Variants in KCND2 observed in about 807,000 individuals in gnomAD.
KCND2 encodes the protein A-type voltage-gated potassium channel KCND2.
KCND2 carries 16 observed loss-of-function variants against 54.4 expected under a neutral mutation model. The ratio of observed to expected loss-of-function variants is 0.29; its 90% CI spans 0.20 to 0.45. The LOEUF (loss-of-function observed/expected upper bound fraction) is 0.45, where lower values mean the gene tolerates loss of function less well. Among genes scored for constraint, KCND2 ranks in the 20% least tolerant of loss-of-function variants. KCND2 has a pLI of 1.00. For missense variants in KCND2, 486 were observed against 824.2 expected (o/e 0.59, Z 5.02); for synonymous variants, 317 against 310.7 (o/e 1.02, Z -0.21).
intron 1 of KCND2, among the ~76,000 whole-genome samples, chr7:120,362,522 A>G (rs1800606142): frequency 6.6e-6 from 1 of 152,100 alleles, no homozygotes; most frequent in Admixed American, 6.6e-5. Flanking sequence ...AAATATGTAA[A>G]TAGAATGTGA....
At chr7:120,317,291 G>A (rs189463728) in intron 1 of KCND2, among the ~76,000 whole-genome samples, 2 of 151,750 alleles carry the variant, frequency 1.3e-5, no homozygotes, top group African/African-American at 4.8e-5. Flanking sequence ...CAAAATGATG[G>A]CATCAAATTC....
chr7:120,571,299 AG>A (rs1792362870), intron 1 of KCND2, among the ~76,000 whole-genome samples: 1 of 152,196 alleles, frequency 6.6e-6, no homozygotes, highest in Non-Finnish European at 1.5e-5. Context: ...AGAGAGAAAA[AG>A]ATAGAAAAAT....
intron 1 of KCND2, among the ~76,000 whole-genome samples, chr7:120,548,395 A>G (rs936037279): frequency 1.3e-5 from 2 of 152,102 alleles, no homozygotes; most frequent in African/African-American, 4.8e-5. Flanking sequence ...AAGCAAGTAG[A>G]GTTCTTCTTT....
At chr7:120,633,968 T>C (rs929647405) in intron 1 of KCND2, among the ~76,000 whole-genome samples, 17 of 152,170 alleles carry the variant, frequency 1.1e-4, no homozygotes, top group African/African-American at 4.1e-4. Context: ...TCTTTGAGTA[T>C]AATGGAAAAC....
intron 1 of KCND2, among the ~76,000 whole-genome samples, chr7:120,307,249 A>C (rs1799661785): frequency 6.6e-6 from 1 of 152,106 alleles, no homozygotes; most frequent in Non-Finnish European, 1.5e-5. Flanking sequence ...TAAGGGGAAT[A>C]ATAACTAGTA....
At chr7:120,313,511 G>T (rs913619966) in intron 1 of KCND2, among the ~76,000 whole-genome samples, 1 of 152,112 alleles carries the variant, frequency 6.6e-6, no homozygotes, top group South Asian at 2.1e-4. Context: ...CATAGTTATA[G>T]TTGACTTAAA....
chr7:120,726,398 C>T (rs1792734393), intron 1 of KCND2, among the ~76,000 whole-genome samples: 1 of 152,098 alleles, frequency 6.6e-6, no homozygotes. Flanking sequence ...AACTGTGATC[C>T]TTCTAGAATA....
At chr7:120,741,017 A>G (rs1205345167) in intron 2 of KCND2, 2 of 333,206 alleles carry the variant, frequency 6.0e-6, no homozygotes, top group East Asian at 8.4e-5. Flanking sequence ...TTTATATTGG[A>G]GGATGCAGAT....
At chr7:120,590,486 A>G (rs940007766) in intron 1 of KCND2, among the ~76,000 whole-genome samples, 2 of 152,206 alleles carry the variant, frequency 1.3e-5, no homozygotes, top group Admixed American at 6.5e-5. Context: ...CTATCCATTC[A>G]TTTATTAGGG....
intron 1 of KCND2, among the ~76,000 whole-genome samples, chr7:120,505,062 G>C (rs184129779): frequency 1.1e-4 from 16 of 151,808 alleles, no homozygotes; most frequent in Admixed American, 7.9e-4. Flanking sequence ...TTTAAAAAGT[G>C]CTCAGACAGT....
At chr7:120,536,574 A>G (rs1251429132) in intron 1 of KCND2, among the ~76,000 whole-genome samples, 6 of 152,158 alleles carry the variant, frequency 3.9e-5, no homozygotes, top group Non-Finnish European at 5.9e-5. Context: ...GTAATATCCT[A>G]AAGCCTTTGT....
At chr7:120,526,693 A>G (rs73721412) in intron 1 of KCND2, among the ~76,000 whole-genome samples, 7,874 of 152,226 alleles carry the variant, frequency 0.052, 693 homozygotes, top group African/African-American at 0.18. Flanking sequence ...ATTAAATGCC[A>G]AGTTTTGATA....
intron 1 of KCND2, among the ~76,000 whole-genome samples, chr7:120,682,079 C>T (rs1423815053): frequency 2.0e-5 from 3 of 151,936 alleles, no homozygotes; most frequent in East Asian, 1.9e-4. Context: ...AACATGCTCT[C>T]GAATACTGAG....
At chr7:120,434,828 AAT>A (rs1355143584) in intron 1 of KCND2, among the ~76,000 whole-genome samples, 2 of 150,934 alleles carry the variant, frequency 1.3e-5, no homozygotes, top group East Asian at 4.2e-4. Context: ...GAAAAAAAAA[AAT>A]AGACTTTTCC....
At chr7:120,525,963 T>A (rs1312693279) in intron 1 of KCND2, among the ~76,000 whole-genome samples, 1 of 152,118 alleles carries the variant, frequency 6.6e-6, no homozygotes, top group Non-Finnish European at 1.5e-5. Flanking sequence ...GCCAAGCATG[T>A]TTGGTTACTG....
chr7:120,609,847 G>C (rs1792930321), intron 1 of KCND2, among the ~76,000 whole-genome samples: 1 of 151,976 alleles, frequency 6.6e-6, no homozygotes, highest in African/African-American at 2.4e-5. Context: ...CTAAGCACAG[G>C]GCCCTCATAA....
chr7:120,403,333 T>C (rs1280553632), intron 1 of KCND2, among the ~76,000 whole-genome samples: 1 of 151,812 alleles, frequency 6.6e-6, no homozygotes, highest in Non-Finnish European at 1.5e-5. Flanking sequence ...TTTTTTCTTT[T>C]ATAGACAGAG....
chr7:120,282,627 A>T (rs1799283529), intron 1 of KCND2, among the ~76,000 whole-genome samples: 1 of 152,200 alleles, frequency 6.6e-6, no homozygotes, highest in Non-Finnish European at 1.5e-5. Flanking sequence ...GAGTAGGATG[A>T]CAGTTGAGAT....
intron 1 of KCND2, among the ~76,000 whole-genome samples, chr7:120,403,140 G>C (rs1397464327): frequency 6.6e-6 from 1 of 152,030 alleles, no homozygotes; most frequent in East Asian, 1.9e-4. Flanking sequence ...TCCCTTCCAG[G>C]GATTAACCCA....
Sources: allele counts gnomAD v4.1 joint callset (sites outside exome capture counted in the v4.1 genomes callset), GRCh38; gene constraint gnomAD v4.1.1; transcripts MANE v1.5; gene names NCBI Gene and HGNC (gene_info 2026-07-23, HGNC 2026-07-21).